The following DLGAP4 variants were observed in gnomAD, a reference collection of about 807,000 sequenced individuals.
The protein encoded by DLGAP4 is DLG associated protein 4.
DLGAP4 carries 18 observed loss-of-function variants against 86.9 expected under a neutral mutation model. The ratio of observed to expected loss-of-function variants is 0.21; its 90% CI spans 0.14 to 0.31. The LOEUF is 0.31. Ranked by LOEUF, DLGAP4 falls within the 10% of genes least tolerant of loss-of-function variation. The probability of loss-of-function intolerance (pLI) is 1.00; values close to 1 mark genes in which losing one functional copy is unlikely to be tolerated. For synonymous variants in DLGAP4, 548 were observed against 574.3 expected (o/e 0.95, Z 0.65); for missense variants, 1,085 against 1,362.6 (o/e 0.80, Z 3.21).
At chr20:36,333,050 T>A (rs1160459498) in intron 1 of DLGAP4, among the ~76,000 whole-genome samples, 1 of 152,196 alleles carries the variant, frequency 6.6e-6, no homozygotes, top group African/African-American at 2.4e-5. Context: ...TCTCTTTTTT[T>A]ACTAGCTAGT....
rs572327964 is a variant in DLGAP4, at chr20:36,372,263, G to A, written c.-73+4988G>A. ...CTAAAGGTGGCACCTACCGTGTGTC[G>A]GCTTGTCCTGCCAGGGCTCCCCAGG... is the stretch of plus-strand genomic sequence containing the variant. On this transcript the variant is annotated intron_variant, in intron 2 of 12. Coordinates refer to ENST00000339266, the MANE Select transcript of DLGAP4 (RefSeq NM_001365621.2). 3.3e-5 allele frequency among the ~76,000 whole-genome samples: 5 copies of A among 152,280 alleles called. No homozygotes were observed. The East Asian group carries it at 7.7e-4, about 24-fold the overall frequency.
intron 11 of DLGAP4, among the ~76,000 whole-genome samples, chr20:36,525,001 G>A (rs959261707): frequency 9.2e-5 from 14 of 151,742 alleles, no homozygotes; most frequent in Non-Finnish European, 2.9e-5. Context: ...GGCAGATCAT[G>A]AGGTCAGGAG....
At chr20:36,461,863 C>T (rs1465647899) in intron 7 of DLGAP4, 12 of 984,248 alleles carry the variant, frequency 1.2e-5, no homozygotes, top group Non-Finnish European at 1.4e-5. Context: ...TTTGTCTCTG[C>T]CCTCGCGCTC....
chr20:36,482,412 G>GT (rs1286625236), intron 7 of DLGAP4, among the ~76,000 whole-genome samples: 2 of 152,266 alleles, frequency 1.3e-5, no homozygotes, highest in East Asian at 3.9e-4. Context: ...AGTGAGGGTA[G>GT]TTTTTTTGAG....
At chr20:36,323,246 C>G (rs1248264642) in intron 1 of DLGAP4, among the ~76,000 whole-genome samples, 1 of 149,600 alleles carries the variant, frequency 6.7e-6, no homozygotes, top group African/African-American at 2.5e-5. Context: ...TCTGTCTTGC[C>G]TTTTCCAATT....
intron 7 of DLGAP4, among the ~76,000 whole-genome samples, chr20:36,453,633 T>TA (rs1408484954): frequency 2.7e-5 from 4 of 150,482 alleles, no homozygotes; most frequent in African/African-American, 4.9e-5. Context: ...ACTCTGTCTT[T>TA]AAAAAAAAGA....
At chr20:36,525,110 C>T (rs1332083855) in intron 11 of DLGAP4, among the ~76,000 whole-genome samples, 7 of 146,402 alleles carry the variant, frequency 4.8e-5, no homozygotes, top group South Asian at 4.4e-4. Flanking sequence ...CCCAGCTACT[C>T]GGGAGGCTGA....
At chr20:36,410,747 A>T (rs2032475854) in intron 2 of DLGAP4, among the ~76,000 whole-genome samples, 1 of 152,082 alleles carries the variant, frequency 6.6e-6, no homozygotes, top group African/African-American at 2.4e-5. Flanking sequence ...TTCTTGAGGG[A>T]CGTGCCCCCA....
At chr20:36,509,289 G>C (rs562857780) in intron 10 of DLGAP4, among the ~76,000 whole-genome samples, 11 of 152,100 alleles carry the variant, frequency 7.2e-5, no homozygotes, top group African/African-American at 2.6e-4. Context: ...ATAAACAATT[G>C]GCCAGGCGCA....
At chr20:36,482,953 T>G (rs987625711) in intron 7 of DLGAP4, among the ~76,000 whole-genome samples, 4 of 152,210 alleles carry the variant, frequency 2.6e-5, no homozygotes, top group Non-Finnish European at 5.9e-5. Context: ...ATTACAGGCA[T>G]GAGCCACCAT....
chr20:36,431,590 A>AC lies in DLGAP4; in HGVS notation c.-72-52dup. 1 of 1,082,184 alleles carries AC rather than the reference A, an allele frequency of 9.2e-7. No homozygotes were observed. Among genetic ancestry groups the AC allele is most frequent in the Non-Finnish European group, 1.3e-6 (1 of 774,350 alleles). 67.0% of individuals were successfully genotyped at this position (1,082,184 alleles called of 1,614,324 possible). On this transcript the variant is annotated intron_variant, in intron 2 of 12. Transcript: ENST00000339266. This position sits in a 1 kb window ranked among gnomAD's most constrained non-coding sequence, Gnocchi z 5.1. Reference sequence around the variant, plus strand: ...GCGATCTGGATCTGACCTTCCCGGCACCCCTCCCCGACAATCCAGCTGACC... The same window carrying AC: ...GCGATCTGGATCTGACCTTCCCGGCACCCCCTCCCCGACAATCCAGCTGACC...
Position 36,527,167 on chromosome 20 carries a change from A to G in DLGAP4, c.*136A>G, listed in dbSNP as rs1462224059. 5.5e-6 allele frequency: 5 copies of G among 904,672 alleles called. No homozygotes were observed. Among genetic ancestry groups the G allele is most frequent in the Non-Finnish European group, 7.9e-6 (5 of 634,470 alleles). The allele number at this position is 904,672 out of a possible 1,614,324, so 56.0% of individuals were successfully genotyped here. A position where few individuals can be genotyped will look rare whatever the true frequency, so the allele number is the denominator to read the frequency against. On this transcript the variant is annotated 3_prime_UTR_variant, in exon 13 of 13. Transcript: ENST00000339266. ...TGAGCCAACTTTCAAATTGACGCAT[A>G]CAAGGGCTCACAATTTGGCTTTTTT...
intron 1 of DLGAP4, among the ~76,000 whole-genome samples, chr20:36,309,447 G>C (rs1053702249): frequency 0.026 from 3,909 of 152,274 alleles, 73 homozygotes; most frequent in African/African-American, 0.051. Flanking sequence ...TCTGGGGAAT[G>C]GGGGGAGACT....
chr20:36,342,792 ACT>A (rs2065397077), intron 1 of DLGAP4, among the ~76,000 whole-genome samples: 2 of 152,202 alleles, frequency 1.3e-5, no homozygotes, highest in Admixed American at 1.3e-4. Flanking sequence ...AAAAGCCAGA[ACT>A]AGTGTCCAGT....
intron 7 of DLGAP4, among the ~76,000 whole-genome samples, chr20:36,465,077 A>G (rs1368813471): frequency 6.6e-6 from 1 of 152,110 alleles, no homozygotes; most frequent in Non-Finnish European, 1.5e-5. Flanking sequence ...CACAGTAGGC[A>G]CTTAATAAAT....
At chr20:36,346,427 C>G (rs2029940094) in intron 1 of DLGAP4, among the ~76,000 whole-genome samples, 2 of 152,234 alleles carry the variant, frequency 1.3e-5, no homozygotes, top group African/African-American at 4.8e-5. Context: ...CCGGGACACT[C>G]TCCTGGAAGC....
chr20:36,367,806 C>G (rs564041790), intron 2 of DLGAP4, among the ~76,000 whole-genome samples: 143 of 152,306 alleles, frequency 9.4e-4, no homozygotes, highest in African/African-American at 3.4e-3. Flanking sequence ...TGGGCCTGCC[C>G]CGTCTCCAAC....
intron 2 of DLGAP4, among the ~76,000 whole-genome samples, chr20:36,428,670 C>G (rs2033045712): frequency 6.6e-6 from 1 of 152,200 alleles, no homozygotes; most frequent in Non-Finnish European, 1.5e-5. Context: ...GTGGGGCCTG[C>G]GTTAAGAGTC....
chr20:36,374,476 C>G (rs1377324879), intron 2 of DLGAP4, among the ~76,000 whole-genome samples: 1 of 152,158 alleles, frequency 6.6e-6, no homozygotes, highest in East Asian at 1.9e-4. Context: ...GGAGGCAGGC[C>G]CGGACCACAG....
Sources: gnomAD v4.1 joint callset for allele counts (sites outside exome capture counted in the v4.1 genomes callset) on GRCh38, gnomAD v4.1.1 for gene constraint, Gnocchi (gnomAD v3.1) non-coding constraint, MANE v1.5 for transcripts, NCBI Gene and HGNC (gene_info 2026-07-23, HGNC 2026-07-21) for gene names.